The following ADAMTS19 variants were observed in gnomAD, a reference collection of about 807,000 sequenced individuals.
The protein encoded by ADAMTS19 is A disintegrin and metalloproteinase with thrombospondin motifs 19.
A neutral mutation model predicts 153.3 loss-of-function variants in ADAMTS19; 93 were observed. The observed-to-expected ratio is 0.61, with a 90% CI of 0.51 to 0.72. The LOEUF (loss-of-function observed/expected upper bound fraction) is 0.72. Ranked by LOEUF, ADAMTS19 falls within the 30% of genes least tolerant of loss-of-function variation. The pLI, the probability that ADAMTS19 is intolerant of heterozygous loss-of-function variation, is 0.00. For missense variants in ADAMTS19, 1,482 were observed against 1,552.1 expected (o/e 0.95, Z 0.76); for synonymous variants, 600 against 556.6 (o/e 1.08, Z -1.10).
chr5:129,570,292 AAAAATAGCTCTGT>A, intron 7 of ADAMTS19, among the ~76,000 whole-genome samples: 3 of 151,882 alleles, frequency 2.0e-5, no homozygotes, highest in African/African-American at 7.2e-5. Context: ...AGGGAATAAT[AAAAATAGCTCTGT>A]GAGCATCAGT....
chr5:129,515,747 C>G (rs981492269), intron 3 of ADAMTS19, among the ~76,000 whole-genome samples: 1 of 151,956 alleles, frequency 6.6e-6, no homozygotes, highest in Non-Finnish European at 1.5e-5. Flanking sequence ...GATAATTTGA[C>G]TTCTTCCTTT....
At chr5:129,538,872 C>T (rs544529620) in intron 6 of ADAMTS19, among the ~76,000 whole-genome samples, 1 of 151,976 alleles carries the variant, frequency 6.6e-6, no homozygotes, top group Non-Finnish European at 1.5e-5. Flanking sequence ...AATATATTGT[C>T]ATATTATAAG....
chr5:129,614,486 T>C (rs878897538), intron 8 of ADAMTS19, among the ~76,000 whole-genome samples: 1 of 151,930 alleles, frequency 6.6e-6, no homozygotes, highest in Non-Finnish European at 1.5e-5. Flanking sequence ...AATTCAACAG[T>C]CCTTCATGCT....
intron 6 of ADAMTS19, among the ~76,000 whole-genome samples, chr5:129,532,644 T>C (rs1446515673): frequency 6.6e-6 from 1 of 152,226 alleles, no homozygotes; most frequent in Non-Finnish European, 1.5e-5. Flanking sequence ...TGAAAATTTA[T>C]AGAAGCTTTC....
intron 15 of ADAMTS19, among the ~76,000 whole-genome samples, chr5:129,661,246 AT>A (rs776841588): frequency 2.9e-4 from 44 of 152,286 alleles, no homozygotes; most frequent in Non-Finnish European, 4.6e-4. Flanking sequence ...GAGAAAAAAA[AT>A]CATGCTATTT....
At chr5:129,724,006 T>A (rs1472982447) in intron 21 of ADAMTS19, among the ~76,000 whole-genome samples, 1 of 152,168 alleles carries the variant, frequency 6.6e-6, no homozygotes, top group East Asian at 1.9e-4. Context: ...TGTGTCTAGG[T>A]TAAGATAAGG....
In ADAMTS19 at chr5:129,522,332, C is replaced by CACACACATATAT. The variant is rs1309115957; in HGVS notation, c.914-3951_914-3950insCACACATATATA. On this transcript the variant is annotated intron_variant, in intron 3 of 22. Coordinates refer to ENST00000274487, the MANE Select transcript of ADAMTS19 (RefSeq NM_133638.6). ...ATATATATATACACACACACACACA[C>CACACACATATAT]ATATATATATATATATATATATATA... 1.6e-3 allele frequency among the ~76,000 whole-genome samples: 94 copies of CACACACATATAT among 58,610 alleles called. 1 individual carries two copies. Among genetic ancestry groups the CACACACATATAT allele is most frequent in the African/African-American group, 4.5e-3 (50 of 11,230 alleles). 38.5% of individuals were successfully genotyped at this position (58,610 alleles called of 152,430 possible).
rs79612540 is a variant in ADAMTS19, at chr5:129,549,332, A to G, written c.1329-2532A>G. Among the ~76,000 whole-genome samples, 655 of 151,746 alleles carry G rather than the reference A, an allele frequency of 4.3e-3. 4 individuals are homozygous for G. The highest frequency in any genetic ancestry group is 0.026 in the East Asian group (134 of 5,170). ...ATAACTAGCTTTTAAAAATTTCACT[A>G]TGTGTTCTTTATAAGAGACTCAGAG... is the stretch of plus-strand genomic sequence containing the variant. On this transcript the variant is annotated intron_variant, in intron 6 of 22. Coordinates refer to ENST00000274487, the MANE Select transcript of ADAMTS19 (RefSeq NM_133638.6).
intron 19 of ADAMTS19, among the ~76,000 whole-genome samples, chr5:129,699,090 A>G (rs575781662): frequency 3.7e-4 from 57 of 152,354 alleles, no homozygotes; most frequent in Non-Finnish European, 6.6e-4. Context: ...AATTAAGGTT[A>G]CTTCTGTAAA....
intron 16 of ADAMTS19, among the ~76,000 whole-genome samples, chr5:129,675,103 G>A (rs945200371): frequency 2.0e-5 from 3 of 152,064 alleles, no homozygotes; most frequent in South Asian, 4.1e-4. Context: ...AGTTCTGATG[G>A]TATATCCAGT....
rs201159584 is a variant in ADAMTS19 at position 129,461,578 on chromosome 5, G to T, written c.568G>T (p.Gly190Cys). The T allele has an allele frequency of 2.6e-6, 4 of 1,568,062 alleles. No individual in the cohort carries two copies. The highest frequency in any genetic ancestry group is 8.6e-7 in the Non-Finnish European group (1 of 1,164,256). Residue 190 changes from glycine to cysteine, a missense_variant, in exon 2 of 23, where the codon GGC becomes TGC. Around this residue, in one of 2 missense-constraint regions of ADAMTS19, gnomAD observed 866 missense variants for 827.7 expected, o/e 1.05. Coordinates refer to ENST00000274487, the MANE Select transcript of ADAMTS19 (RefSeq NM_133638.6). This position sits in a 1 kb window ranked among gnomAD's most constrained non-coding sequence, Gnocchi z 4.6. The part of the protein sequence containing the change: ...RDLYLLLRRD[G>C]RFLAPRFAVE... ...CCTGTACCTGCTGCTCCGGAGAGAC[G>T]GCCGCTTCCTGGCGCCGCGCTTCGC...
rs529444004 is a variant in ADAMTS19, at chr5:129,645,885, A to ATTTTTTTTTTTTTTTTTTTTTTT, written c.1873-1859_1873-1858insTTTTTTTTTTTTTTTTTTTTTTT. Among the ~76,000 whole-genome samples the ATTTTTTTTTTTTTTTTTTTTTTT allele has an allele frequency of 1.4e-3, 140 of 97,078 alleles. 13 individuals carry two copies. The highest frequency in any genetic ancestry group is 1.7e-3 in the East Asian group (5 of 2,866). 63.7% of individuals were successfully genotyped at this position (97,078 alleles called of 152,430 possible). ...CACATGGTTTCTTTCTCCTTTTCCA[A>ATTTTTTTTTTTTTTTTTTTTTTT]TTTTTTTTTTTTTTTTTTTTTGAGA... On this transcript the variant is annotated intron_variant, in intron 11 of 22. Transcript: ENST00000274487.
chr5:129,471,548 G>A (rs1391300255), intron 2 of ADAMTS19, among the ~76,000 whole-genome samples: 2 of 151,978 alleles, frequency 1.3e-5, no homozygotes, highest in Non-Finnish European at 2.9e-5. Flanking sequence ...AAGAATACAA[G>A]GTACTTTTTT....
At chr5:129,705,480 T>C (rs1280444554) in intron 21 of ADAMTS19, among the ~76,000 whole-genome samples, 3 of 152,224 alleles carry the variant, frequency 2.0e-5, no homozygotes, top group African/African-American at 4.8e-5. Context: ...TGCATATTAA[T>C]ATTGCATCTG....
intron 13 of ADAMTS19, 85 bp downstream of exon 13, chr5:129,649,055 C>G (rs1753198008): frequency 4.7e-6 from 6 of 1,265,638 alleles, no homozygotes; most frequent in Non-Finnish European, 3.3e-6. Context: ...ATTATTTTAC[C>G]TATTATCTTC....
At chr5:129,663,028 G>A (rs1292324409) in intron 15 of ADAMTS19, among the ~76,000 whole-genome samples, 2 of 150,950 alleles carry the variant, frequency 1.3e-5, no homozygotes, top group Admixed American at 6.7e-5. Flanking sequence ...CTGAGTAGTT[G>A]GGACTACAGG....
intron 10 of ADAMTS19, among the ~76,000 whole-genome samples, chr5:129,627,525 A>C (rs115060647): frequency 6.6e-6 from 1 of 152,226 alleles, no homozygotes; most frequent in African/African-American, 2.4e-5. Flanking sequence ...ATTAAACTTA[A>C]GAGCTCTGCA....
At chr5:129,577,219 T>G (rs978265710) in intron 7 of ADAMTS19, among the ~76,000 whole-genome samples, 7 of 152,140 alleles carry the variant, frequency 4.6e-5, no homozygotes, top group Non-Finnish European at 1.0e-4. Context: ...TTTCAAATTT[T>G]TTATTGCTAC....
intron 19 of ADAMTS19, among the ~76,000 whole-genome samples, chr5:129,698,848 T>C (rs1312790279): frequency 6.6e-6 from 1 of 152,206 alleles, no homozygotes; most frequent in Non-Finnish European, 1.5e-5. Flanking sequence ...ATGTGCACTT[T>C]AGGAGAAATC....
Sources: allele counts gnomAD v4.1 joint callset (sites outside exome capture counted in the v4.1 genomes callset), GRCh38; gene constraint gnomAD v4.1.1; regional missense constraint gnomAD v4.1.1; non-coding constraint Gnocchi (gnomAD v3.1); transcripts MANE v1.5; gene names NCBI Gene and HGNC (gene_info 2026-07-23, HGNC 2026-07-21).